The following LRP1B variants were observed in gnomAD, a reference collection of about 807,000 sequenced individuals.
LRP1B encodes the protein LDL receptor related protein 1B, also known as low-density lipoprotein receptor-related protein 1B.
Under a neutral mutation model 556.6 loss-of-function variants are expected in LRP1B, and 217 were observed. The observed-to-expected ratio is 0.39, with a 90% confidence interval of 0.35 to 0.44. The LOEUF (loss-of-function observed/expected upper bound fraction) is 0.44, where lower values mean the gene tolerates loss of function less well. LRP1B is among the 20% of genes least tolerant of loss of function. The pLI, the probability that LRP1B is intolerant of heterozygous loss-of-function variation, is 1.00. For missense variants in LRP1B, 5,053 were observed against 5,620.8 expected, an observed-to-expected ratio of 0.90 and a Z score of 3.23; for synonymous variants, 2,047 against 1,865.8, an observed-to-expected ratio of 1.10 and a Z score of -2.50.
chr2:141,046,218 T>C (rs1007648406), intron 11 of LRP1B, among the ~76,000 whole-genome samples: 1 of 152,150 alleles, frequency 6.6e-6, no homozygotes, highest in East Asian at 1.9e-4. Context: ...ACCCTTGTAC[T>C]TCAAACTACG....
At chr2:140,946,345 A>G (rs185641866) in intron 20 of LRP1B, among the ~76,000 whole-genome samples, 22 of 152,242 alleles carry the variant, frequency 1.4e-4, no homozygotes, top group African/African-American at 5.3e-4. Context: ...CACATCTGTA[A>G]TCTCAGCACT....
At chr2:141,565,819 C>T (rs1686310064) in intron 2 of LRP1B, among the ~76,000 whole-genome samples, 1 of 152,180 alleles carries the variant, frequency 6.6e-6, no homozygotes, top group Admixed American at 6.5e-5. Flanking sequence ...TGTTGACTTT[C>T]ATCTCACATC....
At chr2:141,190,115 T>C (rs1681444326) in intron 6 of LRP1B, among the ~76,000 whole-genome samples, 1 of 152,004 alleles carries the variant, frequency 6.6e-6, no homozygotes, top group African/African-American at 2.4e-5. Flanking sequence ...CAACCTTTGT[T>C]CTCCATGCAT....
At chr2:141,868,105 G>A (rs1698472716) in intron 1 of LRP1B, among the ~76,000 whole-genome samples, 2 of 152,220 alleles carry the variant, frequency 1.3e-5, no homozygotes, top group African/African-American at 2.4e-5. Context: ...GGAGTACATA[G>A]AAATGCCTTC....
At chr2:141,563,383 A>G (rs1275402083) in intron 2 of LRP1B, among the ~76,000 whole-genome samples, 2 of 151,978 alleles carry the variant, frequency 1.3e-5, no homozygotes, top group East Asian at 3.9e-4. Context: ...GAGAGAAAAT[A>G]AAAGTCAGGC....
chr2:140,310,811 G>A (rs1156782980), intron 83 of LRP1B, among the ~76,000 whole-genome samples: 1 of 151,654 alleles, frequency 6.6e-6, no homozygotes, highest in Non-Finnish European at 1.5e-5. Context: ...AGAAAACCTA[G>A]GAAAAACTTT....
chr2:141,323,613 T>G (rs557582721), intron 3 of LRP1B, among the ~76,000 whole-genome samples: 4 of 152,190 alleles, frequency 2.6e-5, no homozygotes, highest in African/African-American at 9.6e-5. Flanking sequence ...TCAAAATCCT[T>G]TTTTATCACT....
chr2:141,567,876 G>A (rs1284018741), intron 2 of LRP1B, among the ~76,000 whole-genome samples: 12 of 149,794 alleles, frequency 8.0e-5, no homozygotes, highest in East Asian at 7.8e-4. Context: ...AGTAAAGAAG[G>A]CAGAACTTTG....
At chr2:141,893,927 T>C (rs1699362112) in intron 1 of LRP1B, among the ~76,000 whole-genome samples, 1 of 152,156 alleles carries the variant, frequency 6.6e-6, no homozygotes, top group Non-Finnish European at 1.5e-5. Context: ...TTTTTCTTTT[T>C]TCTTTTCTTT....
intron 2 of LRP1B, among the ~76,000 whole-genome samples, chr2:141,789,821 A>T (rs1695552383): frequency 6.6e-6 from 1 of 151,970 alleles, no homozygotes; most frequent in Non-Finnish European, 1.5e-5. Flanking sequence ...TTTCAAAGTT[A>T]TGCAGTTTCC....
At chr2:140,718,918 A>G (rs1331765422) in intron 35 of LRP1B, among the ~76,000 whole-genome samples, 1 of 151,894 alleles carries the variant, frequency 6.6e-6, no homozygotes, top group Non-Finnish European at 1.5e-5. Context: ...TAGCTCAAAT[A>G]TCCCCTTCTT....
intron 15 of LRP1B, among the ~76,000 whole-genome samples, chr2:140,994,850 G>T (rs1000022791): frequency 6.6e-6 from 1 of 151,924 alleles, no homozygotes; most frequent in African/African-American, 2.4e-5. Context: ...ACAAAATGTT[G>T]TCTCATTTAA....
At chr2:140,908,964 TA>T (rs1000797194) in intron 21 of LRP1B, among the ~76,000 whole-genome samples, 3 of 152,096 alleles carry the variant, frequency 2.0e-5, no homozygotes, top group African/African-American at 4.8e-5. Flanking sequence ...TATGCCCAGC[TA>T]ATTTTGTATT....
At chr2:140,609,901 A>G (rs985191980) in intron 41 of LRP1B, among the ~76,000 whole-genome samples, 7 of 152,188 alleles carry the variant, frequency 4.6e-5, no homozygotes, top group African/African-American at 1.7e-4. Flanking sequence ...AAATCCTTCA[A>G]TGATGTCCCA....
At chr2:141,018,281 A>G (rs1697965113) in intron 12 of LRP1B, among the ~76,000 whole-genome samples, 1 of 152,108 alleles carries the variant, frequency 6.6e-6, no homozygotes, top group Non-Finnish European at 1.5e-5. Context: ...AGTCAAAATA[A>G]GCTCTTTCCT....
chr2:140,546,620 T>A (rs111953245), intron 43 of LRP1B, among the ~76,000 whole-genome samples: 1 of 151,996 alleles, frequency 6.6e-6, no homozygotes, highest in Non-Finnish European at 1.5e-5. Context: ...GAGGTAACCA[T>A]CCTCATGATT....
intron 1 of LRP1B, among the ~76,000 whole-genome samples, chr2:141,958,144 T>A (rs1701309330): frequency 6.6e-6 from 1 of 152,084 alleles, no homozygotes; most frequent in Non-Finnish European, 1.5e-5. Flanking sequence ...AGTAGCTTTT[T>A]AATTGTGGGC....
chr2:141,082,963 AC>A (rs911954298), intron 7 of LRP1B, among the ~76,000 whole-genome samples: 35 of 152,306 alleles, frequency 2.3e-4, no homozygotes, highest in African/African-American at 8.4e-4. Flanking sequence ...ATCACAAGCA[AC>A]CAATCAAGAA....
chr2:140,839,290 C>T (rs1315381786), intron 31 of LRP1B, among the ~76,000 whole-genome samples: 1 of 152,190 alleles, frequency 6.6e-6, no homozygotes, highest in Non-Finnish European at 1.5e-5. Context: ...AATGTTTCCT[C>T]CTTGCCTAAT....
Sources: allele counts gnomAD v4.1 joint callset (sites outside exome capture counted in the v4.1 genomes callset), GRCh38; gene constraint gnomAD v4.1.1; transcripts MANE v1.5; gene names NCBI Gene and HGNC (gene_info 2026-07-23, HGNC 2026-07-21).